The following MAML2 variants were observed in gnomAD, a reference collection of about 807,000 sequenced individuals.
MAML2 encodes mastermind-like protein 2.
A neutral mutation model predicts 96.1 loss-of-function variants in MAML2; 22 were observed. The observed-to-expected ratio is 0.23, with a 90% CI of 0.16 to 0.33. The LOEUF is 0.33. MAML2 is among the 10% of genes least tolerant of loss of function. The probability of loss-of-function intolerance (pLI) is 1.00; values close to 1 mark genes in which losing one functional copy is unlikely to be tolerated. For synonymous variants in MAML2, 561 were observed against 521.3 expected, an observed-to-expected ratio of 1.08 and a Z score of -1.04; for missense variants, 1,367 against 1,392.4, an observed-to-expected ratio of 0.98 and a Z score of 0.29.
chr11:96,021,197 A>C (rs1456114110), intron 2 of MAML2, among the ~76,000 whole-genome samples: 1 of 152,122 alleles, frequency 6.6e-6, no homozygotes, highest in Non-Finnish European at 1.5e-5. Flanking sequence ...GTCACACTGT[A>C]TAGGTTTGTT....
chr11:96,067,590 G>GT (rs5793775), intron 2 of MAML2, among the ~76,000 whole-genome samples: 117,250 of 150,152 alleles, frequency 0.78, 46,495 homozygotes, highest in Non-Finnish European at 0.87. Context: ...ATCCCATTTG[G>GT]TTTTTTTTTT....
At chr11:96,215,857 TACAGAACA>T (rs1205459281) in intron 1 of MAML2, among the ~76,000 whole-genome samples, 1 of 152,088 alleles carries the variant, frequency 6.6e-6, no homozygotes, top group Admixed American at 6.6e-5. Flanking sequence ...GTCCAGAAAT[TACAGAACA>T]ACAGATTGGA....
At chr11:96,007,024 G>A (rs2135723988) in intron 2 of MAML2, among the ~76,000 whole-genome samples, 1 of 146,600 alleles carries the variant, frequency 6.8e-6, no homozygotes, top group East Asian at 2.1e-4. Flanking sequence ...TATTTTTTTA[G>A]ACAGAGTCTC....
intron 2 of MAML2, among the ~76,000 whole-genome samples, chr11:96,007,793 G>A (rs1034750817): frequency 3.4e-5 from 5 of 145,404 alleles, no homozygotes; most frequent in Non-Finnish European, 4.5e-5. Flanking sequence ...ACCAAACACC[G>A]CATATTCTCA....
intron 1 of MAML2, among the ~76,000 whole-genome samples, chr11:96,138,014 C>G (rs1038369362): frequency 6.6e-6 from 1 of 152,000 alleles, no homozygotes; most frequent in African/African-American, 2.4e-5. Flanking sequence ...CTATTTTGAA[C>G]CAAATGATTA....
chr11:96,029,972 G>C (rs998608892), intron 2 of MAML2, among the ~76,000 whole-genome samples: 1 of 152,158 alleles, frequency 6.6e-6, no homozygotes, highest in Non-Finnish European at 1.5e-5. Flanking sequence ...GGTGGCTCAC[G>C]CCTATAATCC....
chr11:95,993,307 C>T (rs1028602397), intron 2 of MAML2, among the ~76,000 whole-genome samples: 16 of 152,074 alleles, frequency 1.1e-4, no homozygotes, highest in Non-Finnish European at 2.2e-4. Flanking sequence ...GTGGCTCATG[C>T]CTGTAAACCT....
chr11:96,073,560 T>A (rs1481076468), intron 2 of MAML2, among the ~76,000 whole-genome samples: 1 of 152,116 alleles, frequency 6.6e-6, no homozygotes, highest in East Asian at 1.9e-4. Context: ...GACCTCATGA[T>A]CCACCTGCCT....
At chr11:96,124,096 C>CAA (rs11464319) in intron 1 of MAML2, among the ~76,000 whole-genome samples, 2,525 of 95,188 alleles carry the variant, frequency 0.027, 126 homozygotes, top group African/African-American at 0.074. Context: ...AACTCTGTCT[C>CAA]AAAAAAAAAA....
chr11:96,260,950 G>T (rs1403903770), intron 1 of MAML2, among the ~76,000 whole-genome samples: 1 of 152,116 alleles, frequency 6.6e-6, no homozygotes, highest in East Asian at 1.9e-4. Flanking sequence ...TCTTCTGAAG[G>T]TAAAACCAAT....
chr11:96,235,705 G>A (rs1258330741), intron 1 of MAML2, among the ~76,000 whole-genome samples: 1 of 152,174 alleles, frequency 6.6e-6, no homozygotes, highest in Non-Finnish European at 1.5e-5. Flanking sequence ...ATTTTTAAAA[G>A]GAATCCAAAT....
At position 96,017,391 on chromosome 11, in the gene MAML2, TTCCCTCCC is replaced by T. The variant is rs527767459; in HGVS notation, c.2140-25676_2140-25669del. On this transcript the variant is annotated intron_variant, in intron 2 of 4. Transcript: ENST00000524717. ...CCTCCCTCCCCACCTCTTTTCTCCC[TTCCCTCCC>T]TCCCTCCCTCCCTTCCTTCCTTCCA... Among the ~76,000 whole-genome samples, 307 of 98,904 alleles carry T rather than the reference TTCCCTCCC, an allele frequency of 3.1e-3. 5 individuals carry two copies. Among genetic ancestry groups the T allele is most frequent in the Non-Finnish European group, 5.9e-4 (29 of 49,004 alleles). The allele number at this position is 98,904 out of a possible 152,430, so 64.9% of individuals were successfully genotyped here.
chr11:96,045,917 T>TC (rs1858892696), intron 2 of MAML2, among the ~76,000 whole-genome samples: 3 of 149,868 alleles, frequency 2.0e-5, no homozygotes, highest in African/African-American at 7.4e-5. Context: ...TTTTTTTTTT[T>TC]TCCCCCATTC....
chr11:96,226,277 T>TC (rs1275485417), intron 1 of MAML2, among the ~76,000 whole-genome samples: 1 of 152,100 alleles, frequency 6.6e-6, no homozygotes, highest in East Asian at 1.9e-4. Context: ...GCAGGTAAGG[T>TC]CCCAAACAAT....
chr11:96,218,990 A>G (rs1862093243), intron 1 of MAML2, among the ~76,000 whole-genome samples: 1 of 152,240 alleles, frequency 6.6e-6, no homozygotes, highest in Non-Finnish European at 1.5e-5. Context: ...GTAGGTCTGC[A>G]AAATTCCCAA....
chr11:96,109,484 T>C (rs1322087585), intron 1 of MAML2, among the ~76,000 whole-genome samples: 3 of 151,624 alleles, frequency 2.0e-5, no homozygotes, highest in Non-Finnish European at 4.4e-5. Context: ...TAAGAGAGAG[T>C]GAAAGCTGGA....
intron 2 of MAML2, among the ~76,000 whole-genome samples, chr11:96,017,222 T>G (rs1363732222): frequency 2.0e-5 from 3 of 152,212 alleles, no homozygotes; most frequent in African/African-American, 7.2e-5. Flanking sequence ...ACAACATTTG[T>G]TAGTTAGTAA....
At chr11:96,168,380 T>A (rs557745183) in intron 1 of MAML2, among the ~76,000 whole-genome samples, 9 of 152,200 alleles carry the variant, frequency 5.9e-5, no homozygotes, top group Non-Finnish European at 1.3e-4. Flanking sequence ...TCTACCTATC[T>A]AACTCTAGTC....
At chr11:96,042,684 C>T (rs536180364) in intron 2 of MAML2, among the ~76,000 whole-genome samples, 1 of 151,882 alleles carries the variant, frequency 6.6e-6, no homozygotes, top group African/African-American at 2.4e-5. Context: ...TACCTAATGT[C>T]ACAAAGCTCA....
Sources: allele counts gnomAD v4.1 joint callset (sites outside exome capture counted in the v4.1 genomes callset), GRCh38; gene constraint gnomAD v4.1.1; transcripts MANE v1.5; gene names NCBI Gene and HGNC (gene_info 2026-07-23, HGNC 2026-07-21).